Variants in PAFAH1B1 observed in about 807,000 individuals in gnomAD.
The protein encoded by PAFAH1B1 is platelet activating factor acetylhydrolase 1b regulatory subunit 1, also known as platelet-activating factor acetylhydrolase IB subunit beta.
In PAFAH1B1, 2 loss-of-function variants were observed where a neutral mutation model predicts 57.5. The observed-to-expected ratio is 0.03, with a 90% CI of 0.01 to 0.11. The LOEUF (loss-of-function observed/expected upper bound fraction) is 0.11, where lower values mean the gene tolerates loss of function less well. PAFAH1B1 is among the 10% of genes least tolerant of loss of function. PAFAH1B1 has a pLI of 1.00. For missense variants in PAFAH1B1, 257 were observed against 512.0 expected (o/e 0.50, Z 4.81); for synonymous variants, 152 against 169.6 (o/e 0.90, Z 0.81).
At chr17:2,634,900 A>C (rs757763154) in intron 1 of PAFAH1B1, among the ~76,000 whole-genome samples, 4 of 152,192 alleles carry the variant, frequency 2.6e-5, no homozygotes, top group Admixed American at 6.5e-5. Flanking sequence ...GTGGTGGCTC[A>C]AGCCTGTAAT....
chr17:2,659,520 CAA>C (rs1162326785), intron 2 of PAFAH1B1: 504 of 42,724 alleles, frequency 0.012, no homozygotes, highest in South Asian at 0.05. Context: ...ACTGCCTCGC[CAA>C]AAAAAAAAAA....
At chr17:2,681,628 A>T in intron 10 of PAFAH1B1, 101 bp from the exon 11 acceptor site, 7 of 819,386 alleles carry the variant, frequency 8.5e-6, no homozygotes, top group Non-Finnish European at 9.7e-6. Flanking sequence ...TGCCCGGCTA[A>T]TTTTTTTTTT....
Position 2,638,273 on chromosome 17 carries a change from T to C in PAFAH1B1, c.-16T>C. The stretch of plus-strand genomic sequence containing the variant: ...GACATACCACTATATCAGATAAGCT[T>C]GACATTACAGCCAAGATGGTGCTGT... On this transcript the variant is annotated 5_prime_UTR_variant, in exon 2 of 11. Transcript: ENST00000397195. 1.2e-6 allele frequency: 2 copies of C among 1,610,682 alleles called. No individual in the cohort carries two copies. The highest frequency in any genetic ancestry group is 1.7e-6 in the Non-Finnish European group (2 of 1,178,020).
At chr17:2,650,464 A>G (rs2068833049) in intron 2 of PAFAH1B1, among the ~76,000 whole-genome samples, 1 of 151,388 alleles carries the variant, frequency 6.6e-6, no homozygotes, top group Non-Finnish European at 1.5e-5. Context: ...GTGAGCCGAG[A>G]CTGCACCACT....
rs1459133870 is a variant in PAFAH1B1, at chr17:2,683,394, C to T, written c.*1592C>T. On this transcript the variant is annotated 3_prime_UTR_variant, in exon 11 of 11. Transcript: ENST00000397195. ...TTAACAAAGATAAAATTCTGAACTG[C>T]GTTTTATTCATTTGTGTACTATGTG... 9.2e-5 allele frequency: 14 copies of T among 152,086 alleles called. No individual in the cohort carries two copies. Among genetic ancestry groups the T allele is most frequent in the Admixed American group, 6.6e-5 (1 of 15,266 alleles). 9.4% of individuals were successfully genotyped at this position (152,086 alleles called of 1,614,324 possible). A position where few individuals can be genotyped will look rare whatever the true frequency, so the allele number is the denominator to read the frequency against.
intron 2 of PAFAH1B1, among the ~76,000 whole-genome samples, chr17:2,652,240 C>T (rs1033250468): frequency 3.9e-5 from 6 of 151,922 alleles, no homozygotes; most frequent in African/African-American, 1.5e-4. Context: ...GAAACCCCGT[C>T]TCTACTAAAA....
chr17:2,598,233 G>A (rs2068105372), intron 1 of PAFAH1B1, among the ~76,000 whole-genome samples: 1 of 152,018 alleles, frequency 6.6e-6, no homozygotes, highest in Non-Finnish European at 1.5e-5. Flanking sequence ...TGGGCAACAA[G>A]AGCGAAACTC....
At chr17:2,652,708 G>A (rs1037238571) in intron 2 of PAFAH1B1, among the ~76,000 whole-genome samples, 4 of 152,190 alleles carry the variant, frequency 2.6e-5, no homozygotes, top group South Asian at 2.1e-4. Context: ...ATGTAGTGGC[G>A]TTAGATGCCA....
rs1259020612 is a variant in PAFAH1B1, at chr17:2,683,393, G to A, written c.*1591G>A. 1 of 152,160 alleles carries A rather than the reference G, an allele frequency of 6.6e-6. No individual in the cohort carries two copies. The highest frequency in any genetic ancestry group is 1.9e-4 in the East Asian group (1 of 5,202). The allele number at this position is 152,160 out of a possible 1,614,324, so 9.4% of individuals were successfully genotyped here. A position where few individuals can be genotyped will look rare whatever the true frequency, so the allele number is the denominator to read the frequency against. On this transcript the variant is annotated 3_prime_UTR_variant, in exon 11 of 11. Coordinates refer to ENST00000397195, the MANE Select transcript of PAFAH1B1 (RefSeq NM_000430.4). ...TTTAACAAAGATAAAATTCTGAACT[G>A]CGTTTTATTCATTTGTGTACTATGT...
Position 2,672,516 on chromosome 17 carries a change from T to C in PAFAH1B1, c.569-139T>C, listed in dbSNP as rs895153793. 7 of 665,094 alleles carry C rather than the reference T, an allele frequency of 1.1e-5. No individual in the cohort carries two copies. In the East Asian group the frequency reaches 1.6e-4, roughly 16 times the overall value. 41.2% of individuals were successfully genotyped at this position (665,094 alleles called of 1,614,324 possible). A position where few individuals can be genotyped will look rare whatever the true frequency, so the allele number is the denominator to read the frequency against. On this transcript the variant is annotated intron_variant, in intron 6 of 10. Transcript: ENST00000397195. ...TTATCGTGTAAATCCAGGTTTCTTA[T>C]CCAATTTGTATAAAATCCAGTGTAT...
upstream of PAFAH1B1, chr17:2,593,460 G>T: frequency 6.5e-6 from 1 of 152,992 alleles, no homozygotes; most frequent in Non-Finnish European, 1.5e-5. Context: ...TCGCCCGCCG[G>T]CCGGGTGGCA....
rs186187828 is a variant in PAFAH1B1 at position 2,619,284 on chromosome 17, T to C, written c.-190-18815T>C. Among the ~76,000 whole-genome samples the C allele has an allele frequency of 2.1e-4, 32 of 152,266 alleles. No homozygotes were observed. In the East Asian group the frequency reaches 5.2e-3, roughly 25 times the overall value. On this transcript the variant is annotated intron_variant, in intron 1 of 10. Transcript: ENST00000397195. Reference sequence around the variant, plus strand: ...CCTCCCACTTCAGCCTCTGGGTAGCTGGGACCTAAGTATGTACCAACCACC... The same window carrying C: ...CCTCCCACTTCAGCCTCTGGGTAGCCGGGACCTAAGTATGTACCAACCACC...
intron 7 of PAFAH1B1, among the ~76,000 whole-genome samples, chr17:2,673,274 A>G (rs1395949017): frequency 6.6e-6 from 1 of 152,234 alleles, no homozygotes; most frequent in East Asian, 1.9e-4. Flanking sequence ...CTTGAGAAGC[A>G]TTTCTGTGTA....
chr17:2,667,791 C>T (rs765974090), intron 5 of PAFAH1B1, among the ~76,000 whole-genome samples: 8 of 151,768 alleles, frequency 5.3e-5, no homozygotes, highest in African/African-American at 1.7e-4. Context: ...TTATAAATTA[C>T]GTATTTCATT....
intron 2 of PAFAH1B1, among the ~76,000 whole-genome samples, chr17:2,657,282 C>T (rs1219222362): frequency 6.6e-6 from 1 of 152,118 alleles, no homozygotes; most frequent in Non-Finnish European, 1.5e-5. Flanking sequence ...CTCACTGTGT[C>T]ACCCAGGCTG....
At chr17:2,664,978 A>C (rs2069085460) in intron 2 of PAFAH1B1, among the ~76,000 whole-genome samples, 1 of 34,740 alleles carries the variant, frequency 2.9e-5, no homozygotes, top group Admixed American at 4.5e-4. Context: ...TCAGCCCTTG[A>C]GTGTATAACA....
chr17:2,630,426 G>A lies in PAFAH1B1; in HGVS notation c.-190-7673G>A, dbSNP rs555824944. Among the ~76,000 whole-genome samples, 48 of 152,274 alleles carry A rather than the reference G, an allele frequency of 3.2e-4. 1 individual carries two copies. The highest frequency in any genetic ancestry group is 8.9e-4 in the African/African-American group (37 of 41,560). On this transcript the variant is annotated intron_variant, in intron 1 of 10. Transcript: ENST00000397195. ...GATAATTGTTTTGTTTGAGGAGGCCGAAGATAAGGCCCTAATCCCTTCTAG... is the reference window on the plus strand; with the variant it reads ...GATAATTGTTTTGTTTGAGGAGGCCAAAGATAAGGCCCTAATCCCTTCTAG...
chr17:2,594,889 A>AT (rs1053861750), intron 1 of PAFAH1B1, among the ~76,000 whole-genome samples: 18 of 152,254 alleles, frequency 1.2e-4, no homozygotes, highest in African/African-American at 4.1e-4. Flanking sequence ...TGGTCGACAC[A>AT]TTTTGACTCT....
intron 2 of PAFAH1B1, among the ~76,000 whole-genome samples, chr17:2,659,014 G>A (rs188599945): frequency 1.3e-3 from 193 of 152,268 alleles, no homozygotes; most frequent in Non-Finnish European, 1.7e-3. Context: ...AGCACTTTGG[G>A]CCAAGGTGGA....
Sources: gnomAD v4.1 joint callset for allele counts (sites outside exome capture counted in the v4.1 genomes callset) on GRCh38, gnomAD v4.1.1 for gene constraint, MANE v1.5 for transcripts, NCBI Gene and HGNC (gene_info 2026-07-23, HGNC 2026-07-21) for gene names.